The following GLIS3 variants were observed in gnomAD, a reference collection of about 807,000 sequenced individuals.
GLIS3 encodes the protein GLIS family zinc finger 3.
Under a neutral mutation model 78.6 loss-of-function variants are expected in GLIS3, and 53 were observed. The observed-to-expected ratio is 0.67, with a 90% CI of 0.54 to 0.85. The LOEUF is 0.85. Among genes scored for constraint, GLIS3 ranks in the 40% least tolerant of loss-of-function variants. The probability of loss-of-function intolerance (pLI) is 0.00; values close to 1 mark genes in which losing one functional copy is unlikely to be tolerated. For missense variants in GLIS3, 1,703 were observed against 1,231.1 expected (o/e 1.38, Z -5.74); for synonymous variants, 684 against 509.9 (o/e 1.34, Z -4.60).
At chr9:4,255,123 T>C (rs1824797136) in intron 2 of GLIS3, among the ~76,000 whole-genome samples, 1 of 152,120 alleles carries the variant, frequency 6.6e-6, no homozygotes, top group Admixed American at 6.5e-5. Context: ...TGCAACATCA[T>C]ACATCATCAG....
the GLIS3 span, among the ~76,000 whole-genome samples, chr9:4,460,656 C>G: frequency 0.54 from 80,456 of 149,846 alleles, 21,757 homozygotes; most frequent in Middle Eastern, 0.72. Flanking sequence ...GAGCTTAAAA[C>G]AGTAGTAATG....
intron 2 of GLIS3, among the ~76,000 whole-genome samples, chr9:4,214,997 C>T (rs7024079): frequency 0.024 from 3,642 of 152,252 alleles, 154 homozygotes; most frequent in African/African-American, 0.083. Flanking sequence ...ACAGCTCTCC[C>T]TGTACTTTGA....
chr9:4,242,283 T>C (rs1823390875), intron 2 of GLIS3, among the ~76,000 whole-genome samples: 1 of 152,012 alleles, frequency 6.6e-6, no homozygotes, highest in South Asian at 2.1e-4. Context: ...CTAGGACATC[T>C]CCAGGAAGTG....
intron 2 of GLIS3, among the ~76,000 whole-genome samples, chr9:4,140,470 AGATG>A (rs1222137579): frequency 2.0e-5 from 3 of 152,244 alleles, no homozygotes; most frequent in African/African-American, 7.2e-5. Flanking sequence ...TTGCAAGTCC[AGATG>A]GGATGCCCAG....
At chr9:3,893,158 G>A (rs963354309) in intron 7 of GLIS3, among the ~76,000 whole-genome samples, 8 of 152,094 alleles carry the variant, frequency 5.3e-5, no homozygotes, top group African/African-American at 1.7e-4. Context: ...TCCCAATAAG[G>A]ATAAAGCCGC....
the GLIS3 span, among the ~76,000 whole-genome samples, chr9:4,408,196 A>T: frequency 6.6e-6 from 1 of 152,100 alleles, no homozygotes; most frequent in Admixed American, 6.5e-5. Flanking sequence ...CACTACGGAG[A>T]ACAGCATGGA....
intron 2 of GLIS3, among the ~76,000 whole-genome samples, chr9:4,247,507 G>C (rs1030067422): frequency 3.9e-5 from 6 of 152,104 alleles, no homozygotes; most frequent in African/African-American, 1.4e-4. Context: ...TGTTCTGGGG[G>C]TTAACAGACT....
chr9:4,218,494 G>A (rs547363708), intron 2 of GLIS3, among the ~76,000 whole-genome samples: 2 of 152,300 alleles, frequency 1.3e-5, no homozygotes, highest in African/African-American at 4.8e-5. Context: ...TAGCCAGGAT[G>A]GTCTTGATCT....
chr9:4,354,841 A>G, the GLIS3 span, among the ~76,000 whole-genome samples: 5 of 152,102 alleles, frequency 3.3e-5, no homozygotes, highest in Non-Finnish European at 5.9e-5. Flanking sequence ...GAGTAGCCGG[A>G]CATGGTGGCT....
the GLIS3 span, among the ~76,000 whole-genome samples, chr9:4,380,043 T>A: frequency 6.6e-6 from 1 of 152,192 alleles, no homozygotes; most frequent in African/African-American, 2.4e-5. Flanking sequence ...CACCTACTCT[T>A]TCTGAGTCTC....
the GLIS3 span, among the ~76,000 whole-genome samples, chr9:4,456,689 T>C: frequency 2.4e-4 from 37 of 152,224 alleles, no homozygotes; most frequent in Non-Finnish European, 4.7e-4. Flanking sequence ...CTTCCTTTCA[T>C]TTGAATACTT....
the GLIS3 span, among the ~76,000 whole-genome samples, chr9:4,462,594 AACACACACACACACAC>A: frequency 3.4e-5 from 5 of 145,094 alleles, no homozygotes; most frequent in South Asian, 2.3e-4. Flanking sequence ...CCATCTCTAT[AACACACACACACACAC>A]ACACACACAC....
chr9:4,393,348 C>T, the GLIS3 span, among the ~76,000 whole-genome samples: 23,807 of 152,020 alleles, frequency 0.16, 2,429 homozygotes, highest in East Asian at 0.34. Flanking sequence ...AAATATTCAG[C>T]GTATATTTTA....
chr9:4,256,291 A>G (rs1384881281), intron 2 of GLIS3, among the ~76,000 whole-genome samples: 1 of 152,210 alleles, frequency 6.6e-6, no homozygotes, highest in Non-Finnish European at 1.5e-5. Flanking sequence ...CATTCAGCAA[A>G]TTAAATTAGT....
intron 4 of GLIS3, among the ~76,000 whole-genome samples, chr9:4,090,190 T>C (rs191861983): frequency 6.6e-6 from 1 of 152,228 alleles, no homozygotes. Flanking sequence ...CCCCTTCCCT[T>C]CTACACAGGC....
the GLIS3 span, among the ~76,000 whole-genome samples, chr9:4,445,839 G>A: frequency 2.0e-5 from 3 of 152,086 alleles, no homozygotes; most frequent in African/African-American, 7.2e-5. Context: ...TGCCAGTTGA[G>A]GAATCAACAG....
chr9:4,313,122 T>C (rs186392103), intron 2 of GLIS3, among the ~76,000 whole-genome samples: 6 of 152,324 alleles, frequency 3.9e-5, no homozygotes, highest in Non-Finnish European at 7.3e-5. Context: ...GTAACAGTAC[T>C]CTTTTGTTGA....
rs184373705 is a variant in GLIS3 at position 3,855,997 on chromosome 9, C to T, written c.2473+12G>A. On this transcript the variant is annotated intron_variant, in intron 9 of 10. Coordinates refer to ENST00000381971, the MANE Select transcript of GLIS3 (RefSeq NM_001042413.2). Reference sequence around the variant, plus strand: ...TTTTCAAAACTCAAGGGACTGCCAGCTTCTTGCTTACCATGGACATGGATA... The same window carrying T: ...TTTTCAAAACTCAAGGGACTGCCAGTTTCTTGCTTACCATGGACATGGATA... The T allele has an allele frequency of 1.2e-5, 19 of 1,614,060 alleles. No individual in the cohort carries two copies. The highest frequency in any genetic ancestry group is 2.7e-5 in the African/African-American group (2 of 75,050).
intron 4 of GLIS3, among the ~76,000 whole-genome samples, chr9:4,030,053 A>T (rs1823695518): frequency 6.6e-6 from 1 of 152,112 alleles, no homozygotes; most frequent in Non-Finnish European, 1.5e-5. Flanking sequence ...ACTAATTTAC[A>T]TTTCCACCAA....
Sources: allele counts gnomAD v4.1 joint callset (sites outside exome capture counted in the v4.1 genomes callset), GRCh38; gene constraint gnomAD v4.1.1; transcripts MANE v1.5; gene names NCBI Gene and HGNC (gene_info 2026-07-23, HGNC 2026-07-21).